The following KIF6 variants were observed in gnomAD, a reference collection of about 807,000 sequenced individuals.
KIF6 encodes the protein kinesin-like protein KIF6.
Under a neutral mutation model 112.7 loss-of-function variants are expected in KIF6, and 106 were observed. That is an observed-to-expected ratio of 0.94 (90% CI 0.80 to 1.11). The LOEUF (loss-of-function observed/expected upper bound fraction) is 1.11. Among genes scored for constraint, KIF6 ranks in the 50% least tolerant of loss-of-function variants. KIF6 has a pLI of 0.00. For missense variants in KIF6, 929 were observed against 964.0 expected, an observed-to-expected ratio of 0.96 and a Z score of 0.48; for synonymous variants, 339 against 339.9, an observed-to-expected ratio of 1.00 and a Z score of 0.03.
At position 39,575,472 on chromosome 6, in the gene KIF6, A is replaced by G. The variant is rs183719964; in HGVS notation, c.1181+2584T>C. On this transcript the variant is annotated intron_variant, in intron 10 of 22. Transcript: ENST00000287152. ...ATTTTTAGTAGAGATGGGTTTCACCATGTTGGCCAGGATGGTCTCGATCTC... is the reference window on the plus strand; with the variant it reads ...ATTTTTAGTAGAGATGGGTTTCACCGTGTTGGCCAGGATGGTCTCGATCTC... Among the ~76,000 whole-genome samples the G allele has an allele frequency of 1.3e-3, 191 of 152,032 alleles. 4 individuals carry two copies. In the East Asian group the frequency reaches 0.032, roughly 26 times the overall value.
At chr6:39,566,275 TA>T (rs1780269700) in intron 10 of KIF6, among the ~76,000 whole-genome samples, 1 of 152,250 alleles carries the variant, frequency 6.6e-6, no homozygotes, top group South Asian at 2.1e-4. Flanking sequence ...TTACATCATA[TA>T]AACACACACA....
In KIF6 at chr6:39,454,885, G is replaced by A. The variant is rs901823023; in HGVS notation, c.1646-23724C>T. ...GAGGGTCCTACGCCCACCGAATCTCGCTGATTGCTAGCACAGCAGTCTGAG... is the reference window on the plus strand; with the variant it reads ...GAGGGTCCTACGCCCACCGAATCTCACTGATTGCTAGCACAGCAGTCTGAG... On this transcript the variant is annotated intron_variant, in intron 13 of 22. Coordinates refer to ENST00000287152, the MANE Select transcript of KIF6 (RefSeq NM_145027.6). Among the ~76,000 whole-genome samples the A allele has an allele frequency of 2.2e-3, 328 of 152,220 alleles. 2 individuals carry two copies. Among genetic ancestry groups the A allele is most frequent in the African/African-American group, 7.6e-3 (314 of 41,538 alleles).
intron 19 of KIF6, among the ~76,000 whole-genome samples, chr6:39,352,352 A>G (rs1049062944): frequency 1.3e-5 from 2 of 152,232 alleles, no homozygotes; most frequent in Admixed American, 1.3e-4. Context: ...TGACAAATGC[A>G]TGACATCATC....
chr6:39,502,684 G>A (rs1156578845), intron 13 of KIF6, among the ~76,000 whole-genome samples: 5 of 152,106 alleles, frequency 3.3e-5, no homozygotes, highest in Admixed American at 3.3e-4. Flanking sequence ...AAAAAAAGCA[G>A]GGTTGCAATC....
chr6:39,661,494 T>TTC (rs144443016), intron 3 of KIF6, among the ~76,000 whole-genome samples: 1 of 152,124 alleles, frequency 6.6e-6, no homozygotes, highest in Non-Finnish European at 1.5e-5. Flanking sequence ...CATTCTTTTT[T>TTC]TCTCTCTCTC....
rs1771083301 is a variant in KIF6 at position 39,430,609 on chromosome 6, C to A, written c.1754+444G>T. 2.0e-5 allele frequency among the ~76,000 whole-genome samples: 3 copies of A among 152,304 alleles called. No homozygotes were observed. The South Asian group carries it at 6.2e-4, about 32-fold the overall frequency. ...CTCTAATTTTGGCCTGGAGAAGACA[C>A]CAAAGGCTTCTGGGTCACAAGATGT... On this transcript the variant is annotated intron_variant, in intron 14 of 22. Coordinates refer to ENST00000287152, the MANE Select transcript of KIF6 (RefSeq NM_145027.6).
Position 39,501,562 on chromosome 6 carries a change from C to A in KIF6, c.1645+38441G>T, listed in dbSNP as rs149279732. The stretch of plus-strand genomic sequence containing the variant: ...TAAAGAAGCATGTTGTAGTCCAATG[C>A]AAAGACACTAAGAATCATGACAAAA... On this transcript the variant is annotated intron_variant, in intron 13 of 22. Coordinates refer to ENST00000287152, the MANE Select transcript of KIF6 (RefSeq NM_145027.6). Among the ~76,000 whole-genome samples the A allele has an allele frequency of 2.6e-3, 394 of 152,224 alleles. 2 individuals are homozygous for A. Among genetic ancestry groups the A allele is most frequent in the African/African-American group, 8.5e-3 (355 of 41,536 alleles).
chr6:39,637,933 T>C (rs1449064940), intron 4 of KIF6, among the ~76,000 whole-genome samples: 1 of 152,086 alleles, frequency 6.6e-6, no homozygotes, highest in East Asian at 1.9e-4. Context: ...TCTAAAACAA[T>C]GAACCTGACA....
At chr6:39,544,457 C>T in intron 12 of KIF6, 98 bp downstream of exon 12, 2 of 1,249,078 alleles carry the variant, frequency 1.6e-6, no homozygotes, top group Non-Finnish European at 2.1e-6. Context: ...GAAATGGAAG[C>T]TGGGTGGGGA....
chr6:39,576,127 T>G (rs560516538), intron 10 of KIF6, among the ~76,000 whole-genome samples: 1 of 152,104 alleles, frequency 6.6e-6, no homozygotes, highest in South Asian at 2.1e-4. Context: ...GAAACACTGG[T>G]ACTGATTTTT....
At chr6:39,507,638 C>CTT (rs1554228857) in intron 13 of KIF6, among the ~76,000 whole-genome samples, 16,889 of 28,906 alleles carry the variant, frequency 0.58, 5,342 homozygotes, top group Admixed American at 0.6. Flanking sequence ...CTTTCCTTTC[C>CTT]CCTTCCTTCC....
chr6:39,470,630 T>C (rs1774068216), intron 13 of KIF6, among the ~76,000 whole-genome samples: 2 of 152,066 alleles, frequency 1.3e-5, no homozygotes, highest in Admixed American at 6.5e-5. Flanking sequence ...GAAAACAACA[T>C]ATTTTAGGGC....
chr6:39,512,732 C>T (rs2150512184), intron 13 of KIF6, among the ~76,000 whole-genome samples: 1 of 152,322 alleles, frequency 6.6e-6, no homozygotes, highest in South Asian at 2.1e-4. Flanking sequence ...TCTATCCTGG[C>T]TCCTGCAGAT....
intron 2 of KIF6, among the ~76,000 whole-genome samples, chr6:39,720,377 C>T (rs1790138181): frequency 1.3e-5 from 2 of 151,996 alleles, no homozygotes; most frequent in Non-Finnish European, 2.9e-5. Context: ...TAAGTTCTTA[C>T]CGTCAGTGAA....
chr6:39,494,116 C>T (rs1446183971), intron 13 of KIF6, among the ~76,000 whole-genome samples: 1 of 152,196 alleles, frequency 6.6e-6, no homozygotes, highest in Non-Finnish European at 1.5e-5. Flanking sequence ...CCCATCCTTA[C>T]CACTTTCTTT....
chr6:39,479,961 T>C (rs1023222761), intron 13 of KIF6, among the ~76,000 whole-genome samples: 5 of 152,116 alleles, frequency 3.3e-5, no homozygotes, highest in Admixed American at 3.3e-4. Context: ...GGGGAGTCTT[T>C]AGGTTTTCTA....
At position 39,703,075 on chromosome 6, in the gene KIF6, A is replaced by ACC. The variant is rs202010511; in HGVS notation, c.251+11615_251+11616dup. On this transcript the variant is annotated intron_variant, in intron 3 of 22. Transcript: ENST00000287152. ...CCGGCCACCAAGACAAAATCCACCAACCCCCCACCCCCACTCCCGGCCACC... is the reference window on the plus strand; with the variant it reads ...CCGGCCACCAAGACAAAATCCACCAACCCCCCCCACCCCCACTCCCGGCCACC... 4.8e-4 allele frequency among the ~76,000 whole-genome samples: 9 copies of ACC among 18,688 alleles called. 1 individual carries two copies. The highest frequency in any genetic ancestry group is 2.5e-3 in the Admixed American group (3 of 1,218). 12.3% of individuals were successfully genotyped at this position (18,688 alleles called of 152,430 possible).
chr6:39,491,443 C>T (rs2150476571), intron 13 of KIF6, among the ~76,000 whole-genome samples: 1 of 152,268 alleles, frequency 6.6e-6, no homozygotes, highest in African/African-American at 2.4e-5. Context: ...AATCCCTTCC[C>T]AAACTCCTGA....
chr6:39,567,609 T>TTC (rs1305584392), intron 10 of KIF6, among the ~76,000 whole-genome samples: 4 of 136,682 alleles, frequency 2.9e-5, no homozygotes, highest in African/African-American at 1.2e-4. Flanking sequence ...CAGAAGTGAT[T>TTC]TCTTTTTTTT....
Sources: gnomAD v4.1 joint callset for allele counts (sites outside exome capture counted in the v4.1 genomes callset) on GRCh38, gnomAD v4.1.1 for gene constraint, MANE v1.5 for transcripts, NCBI Gene and HGNC (gene_info 2026-07-23, HGNC 2026-07-21) for gene names.